The following PDLIM5 variants were observed in gnomAD, a reference collection of about 807,000 sequenced individuals.
PDLIM5 encodes the protein PDZ and LIM domain protein 5.
Under a neutral mutation model 64.2 loss-of-function variants are expected in PDLIM5, and 34 were observed. The ratio of observed to expected loss-of-function variants is 0.53; its 90% confidence interval spans 0.40 to 0.71. PDLIM5 has a LOEUF of 0.71. Among genes scored for constraint, PDLIM5 ranks in the 30% least tolerant of loss-of-function variants. The pLI is 0.00. For synonymous variants in PDLIM5, 253 were observed against 269.1 expected (o/e 0.94, Z 0.59); for missense variants, 683 against 733.6 (o/e 0.93, Z 0.80).
At chr4:94,582,543 G>T in intron 5 of PDLIM5, 5 of 530,550 alleles carry the variant, frequency 9.4e-6, no homozygotes, top group South Asian at 8.9e-5. Flanking sequence ...TAATTATTTT[G>T]AAGCATGATG....
At chr4:94,524,500 G>T (rs1730161596) in intron 3 of PDLIM5, among the ~76,000 whole-genome samples, 1 of 151,210 alleles carries the variant, frequency 6.6e-6, no homozygotes, top group Admixed American at 6.6e-5. Context: ...ATATTAAAGG[G>T]TATTCTTTTA....
intron 8 of PDLIM5, among the ~76,000 whole-genome samples, chr4:94,624,550 T>G (rs1048514025): frequency 3.3e-5 from 5 of 152,024 alleles, no homozygotes; most frequent in Non-Finnish European, 7.4e-5. Flanking sequence ...GAAAAAGACT[T>G]AAAGTTCTGA....
At chr4:94,564,673 T>TTTTTTTTG (rs1195951922) in intron 3 of PDLIM5, among the ~76,000 whole-genome samples, 20 of 144,924 alleles carry the variant, frequency 1.4e-4, no homozygotes, top group African/African-American at 5.3e-4. Flanking sequence ...TTTTTTTTTT[T>TTTTTTTTG]TTGACAGAGT....
At chr4:94,510,854 A>G (rs183132202) in intron 2 of PDLIM5, among the ~76,000 whole-genome samples, 37 of 152,336 alleles carry the variant, frequency 2.4e-4, no homozygotes, top group Non-Finnish European at 4.3e-4. Flanking sequence ...CTAAAAAAAT[A>G]CAAAAATTAA....
intron 8 of PDLIM5, among the ~76,000 whole-genome samples, chr4:94,620,186 C>A (rs749601038): frequency 6.6e-6 from 1 of 152,078 alleles, no homozygotes; most frequent in African/African-American, 2.4e-5. Flanking sequence ...CTTCACCTAG[C>A]CCTCTAATTT....
At position 94,575,993 on chromosome 4, in the gene PDLIM5, A is replaced by T. The variant is rs768811116; in HGVS notation, c.669A>T (p.Gly223=). 2.0e-5 allele frequency: 33 copies of T among 1,614,012 alleles called. No homozygotes were observed. In the South Asian group the frequency reaches 3.5e-4, roughly 17 times the overall value. The change falls in exon 5 of 13, where the codon GGA becomes GGT. Residue 223 remains glycine, a synonymous_variant. Coordinates refer to ENST00000317968, the MANE Select transcript of PDLIM5 (RefSeq NM_006457.5). ...CSETSQELAE[G]QRRGSQGDSK... is the part of the protein sequence containing the mutation. ...AGACTTCTCAGGAGCTAGCAGAGGGACAGAGAAGAGGATCCCAGGGTGACA... is the reference window on the plus strand; with the variant it reads ...AGACTTCTCAGGAGCTAGCAGAGGGTCAGAGAAGAGGATCCCAGGGTGACA...
intron 3 of PDLIM5, among the ~76,000 whole-genome samples, chr4:94,573,051 C>T (rs1041003465): frequency 9.9e-5 from 15 of 152,154 alleles, no homozygotes; most frequent in Non-Finnish European, 1.9e-4. Flanking sequence ...GTATCCTTAA[C>T]GATTAAACAC....
chr4:94,469,259 A>C (rs999299190), intron 2 of PDLIM5, among the ~76,000 whole-genome samples: 1 of 152,210 alleles, frequency 6.6e-6, no homozygotes, highest in Non-Finnish European at 1.5e-5. Flanking sequence ...CAAAAAACAT[A>C]AGCAATGTAA....
intron 2 of PDLIM5, among the ~76,000 whole-genome samples, chr4:94,510,479 C>T (rs1265271637): frequency 6.6e-6 from 1 of 152,084 alleles, no homozygotes; most frequent in Non-Finnish European, 1.5e-5. Context: ...GTTTACCATG[C>T]CCCTTTTTCC....
intron 2 of PDLIM5, among the ~76,000 whole-genome samples, chr4:94,495,510 GAAA>G (rs796436284): frequency 2.1e-5 from 3 of 144,132 alleles, no homozygotes; most frequent in Non-Finnish European, 4.6e-5. Context: ...GAGCTTAGTT[GAAA>G]AAAAAAAAGG....
chr4:94,464,494 G>A (rs776619616), intron 2 of PDLIM5, among the ~76,000 whole-genome samples: 26 of 152,200 alleles, frequency 1.7e-4, no homozygotes, highest in Non-Finnish European at 2.9e-5. Flanking sequence ...AGCAGACTAT[G>A]TTCTGAAAGT....
chr4:94,552,415 T>C (rs1469545890), intron 3 of PDLIM5, among the ~76,000 whole-genome samples: 1 of 152,120 alleles, frequency 6.6e-6, no homozygotes, highest in Non-Finnish European at 1.5e-5. Context: ...TTAAAAGCTG[T>C]TTTCAAAGCT....
chr4:94,531,457 G>A (rs1164933394), intron 3 of PDLIM5, among the ~76,000 whole-genome samples: 7 of 152,090 alleles, frequency 4.6e-5, no homozygotes, highest in South Asian at 2.1e-4. Context: ...CTTGGGCCAC[G>A]TTGGAAGAGG....
intron 2 of PDLIM5, among the ~76,000 whole-genome samples, chr4:94,472,058 C>T (rs941839742): frequency 3.3e-5 from 5 of 152,086 alleles, no homozygotes; most frequent in African/African-American, 9.7e-5. Flanking sequence ...CTAGATGCCT[C>T]ACTTCTTAGA....
intron 8 of PDLIM5, among the ~76,000 whole-genome samples, chr4:94,636,039 GA>G (rs773719666): frequency 4.6e-5 from 7 of 152,172 alleles, no homozygotes; most frequent in African/African-American, 9.7e-5. Context: ...AATAGCGGTA[GA>G]ACTTAGAGCC....
At chr4:94,520,179 T>G (rs193120670) in intron 2 of PDLIM5, among the ~76,000 whole-genome samples, 1 of 152,272 alleles carries the variant, frequency 6.6e-6, no homozygotes, top group African/African-American at 2.4e-5. Flanking sequence ...CAAAGTAATG[T>G]TTTTGAAGAA....
At chr4:94,626,695 C>A (rs970752268) in intron 8 of PDLIM5, among the ~76,000 whole-genome samples, 6 of 151,754 alleles carry the variant, frequency 4.0e-5, no homozygotes, top group Admixed American at 3.9e-4. Context: ...TAATCATACC[C>A]GCTTCTGGTG....
At chr4:94,540,360 C>T (rs976805711) in intron 3 of PDLIM5, among the ~76,000 whole-genome samples, 7 of 152,136 alleles carry the variant, frequency 4.6e-5, no homozygotes, top group African/African-American at 7.2e-5. Context: ...CCTCGTGATC[C>T]GCCCGCCTCG....
chr4:94,595,018 G>A (rs1245031284), intron 7 of PDLIM5, among the ~76,000 whole-genome samples: 1 of 152,140 alleles, frequency 6.6e-6, no homozygotes, highest in Non-Finnish European at 1.5e-5. Flanking sequence ...TACAATCATG[G>A]TGGAAGGTGA....
Sources: allele counts gnomAD v4.1 joint callset (sites outside exome capture counted in the v4.1 genomes callset), GRCh38; gene constraint gnomAD v4.1.1; transcripts MANE v1.5; gene names NCBI Gene and HGNC (gene_info 2026-07-23, HGNC 2026-07-21).